The following BTBD1 variants were observed in gnomAD, a reference collection of about 807,000 sequenced individuals.
BTBD1 encodes BTB/POZ domain-containing protein 1.
BTBD1 carries 34 observed loss-of-function variants against 48.0 expected under a neutral mutation model. The observed-to-expected ratio is 0.71, with a 90% CI of 0.54 to 0.94. The LOEUF is 0.94. BTBD1 is among the 40% of genes least tolerant of loss of function. The pLI, the probability that BTBD1 is intolerant of heterozygous loss-of-function variation, is 0.00. For missense variants in BTBD1, 543 were observed against 625.6 expected, an observed-to-expected ratio of 0.87 and a Z score of 1.41; for synonymous variants, 261 against 242.1, an observed-to-expected ratio of 1.08 and a Z score of -0.72.
chr15:83,053,106 C>T (rs1197219181), intron 2 of BTBD1, among the ~76,000 whole-genome samples: 1 of 152,100 alleles, frequency 6.6e-6, no homozygotes, highest in African/African-American at 2.4e-5. Flanking sequence ...GAATCTACTG[C>T]TGCTATTTAG....
chr15:83,064,774 T>C (rs1365270062), intron 1 of BTBD1, among the ~76,000 whole-genome samples: 1 of 152,176 alleles, frequency 6.6e-6, no homozygotes, highest in Non-Finnish European at 1.5e-5. Flanking sequence ...TGAAAACTAC[T>C]TCTAGTCTAG....
At chr15:83,038,818 T>C (rs2032680704) in intron 4 of BTBD1, among the ~76,000 whole-genome samples, 2 of 152,122 alleles carry the variant, frequency 1.3e-5, no homozygotes, top group African/African-American at 2.4e-5. Flanking sequence ...GCTGGGAAAG[T>C]TGGCTAGCCA....
At chr15:83,030,528 AG>A in intron 4 of BTBD1, 200 bp from the exon 5 acceptor site, 1 of 521,416 alleles carries the variant, frequency 1.9e-6, no homozygotes, top group Non-Finnish European at 3.4e-6. Context: ...AAATGTTAAA[AG>A]CATTAATTAG....
chr15:83,030,858 A>G (rs957844920), intron 4 of BTBD1: 7 of 152,424 alleles, frequency 4.6e-5, no homozygotes, highest in African/African-American at 1.7e-4. Flanking sequence ...AATATTTGCA[A>G]ACTATGCATC....
chr15:83,031,186 T>G (rs906169197), intron 4 of BTBD1, among the ~76,000 whole-genome samples: 1 of 152,182 alleles, frequency 6.6e-6, no homozygotes, highest in Non-Finnish European at 1.5e-5. Context: ...CTCTCCAGCA[T>G]CTGTTGTTTT....
At chr15:83,064,014 G>C (rs565932882) in intron 1 of BTBD1, among the ~76,000 whole-genome samples, 1 of 152,222 alleles carries the variant, frequency 6.6e-6, no homozygotes, top group Admixed American at 6.5e-5. Context: ...TGTTTCACAA[G>C]CGCCCCAAAA....
At chr15:83,055,014 G>T (rs1232500945) in intron 2 of BTBD1, among the ~76,000 whole-genome samples, 1 of 151,944 alleles carries the variant, frequency 6.6e-6, no homozygotes, top group African/African-American at 2.4e-5. Flanking sequence ...TTGAGCTAGG[G>T]GCCATCAATA....
Position 83,050,171 on chromosome 15 carries a change from A to T in BTBD1, c.566T>A (p.Leu189Ter). The T allele has an allele frequency of 6.2e-7, 1 of 1,609,442 alleles. No individual in the cohort carries two copies. Among genetic ancestry groups the T allele is most frequent in the Non-Finnish European group, 8.5e-7 (1 of 1,176,466 alleles). Reference sequence around the variant, plus strand: ...ACTAGCAAGCTGAGGTTCATCAAATAATCGAGCCTAAACATATAAAGAGAT... The same window carrying T: ...ACTAGCAAGCTGAGGTTCATCAAATTATCGAGCCTAAACATATAAAGAGAT... The part of the protein sequence containing the change: ...NAFMLLTQAR[L>*]FDEPQLASLC... The change falls in exon 3 of 8, where the codon TTA (leucine) becomes TAA (stop). Residue 189 changes from leucine to a stop codon, truncating the protein, a stop_gained. Transcript: ENST00000261721. LOFTEE classifies it high-confidence loss of function.
At chr15:83,050,311 A>C (rs990781578) in intron 2 of BTBD1, 133 bp from the exon 3 acceptor site, 25 of 555,774 alleles carry the variant, frequency 4.5e-5, no homozygotes, top group African/African-American at 4.3e-4. Flanking sequence ...TACACGCAAT[A>C]ATGTCTACAT....
rs543103520 is a variant in BTBD1, at chr15:83,026,681, C to T, written c.1055+3455G>A. ...GGTATTACAGGCATGTGCCCCCACA[C>T]CTGGCTAATTTTGTATTTTTAGTAG... On this transcript the variant is annotated intron_variant, in intron 5 of 7. Coordinates refer to ENST00000261721, the MANE Select transcript of BTBD1 (RefSeq NM_025238.4). Among the ~76,000 whole-genome samples, 37 of 152,042 alleles carry T rather than the reference C, an allele frequency of 2.4e-4. 1 individual carries two copies. Among genetic ancestry groups the T allele is most frequent in the Admixed American group, 5.2e-4 (8 of 15,248 alleles).
rs1187803458 is a variant in BTBD1 at position 83,051,875 on chromosome 15, T to TACACACACACACACACACACACACACAC, written c.559-1698_559-1697insGTGTGTGTGTGTGTGTGTGTGTGTGTGT. On this transcript the variant is annotated intron_variant, in intron 2 of 7. Coordinates refer to ENST00000261721, the MANE Select transcript of BTBD1 (RefSeq NM_025238.4). ...CATTTATTAATTTTTTTTCCATATA[T>TACACACACACACACACACACACACACAC]ATACACACACACACACACACACACA... 1.8e-3 allele frequency among the ~76,000 whole-genome samples: 78 copies of TACACACACACACACACACACACACACAC among 43,684 alleles called. 1 individual carries two copies. The highest frequency in any genetic ancestry group is 3.7e-3 in the African/African-American group (74 of 19,858). 28.7% of individuals were successfully genotyped at this position (43,684 alleles called of 152,430 possible). A position where few individuals can be genotyped will look rare whatever the true frequency, so the allele number is the denominator to read the frequency against.
intron 2 of BTBD1, among the ~76,000 whole-genome samples, chr15:83,055,319 G>A (rs1207262362): frequency 2.6e-5 from 4 of 152,140 alleles, no homozygotes; most frequent in African/African-American, 4.8e-5. Context: ...CTGCAATGGC[G>A]CAATCTCGGC....
In BTBD1 at chr15:83,050,115, T is replaced by C. The variant is rs115033616; in HGVS notation, c.622A>G (p.Met208Val). Residue 208 changes from methionine (M) to valine (V), a missense_variant, in exon 3 of 8, where the codon ATG becomes GTG. Physicochemically the swap from Met to Val is conservative, Grantham distance 21. This residue lies in a region of BTBD1 where 300 missense variants were observed against 350.0 expected (regional missense o/e 0.86). Coordinates refer to ENST00000261721, the MANE Select transcript of BTBD1 (RefSeq NM_025238.4). ...AACCCTTCTGCACTTATTGCATCCA[T>C]TGTGCTTTTGTCTATTGTATCTAGA... is the stretch of plus-strand genomic sequence containing the variant. ...LCLDTIDKST[M>V]DAISAEGFTD... 1.6e-3 allele frequency: 2,655 copies of C among 1,613,196 alleles called. 4 individuals are homozygous for C. Among genetic ancestry groups the C allele is most frequent in the Non-Finnish European group, 1.9e-3 (2,220 of 1,179,476 alleles).
chr15:83,058,656 G>A (rs552555589), intron 1 of BTBD1, among the ~76,000 whole-genome samples: 6 of 152,142 alleles, frequency 3.9e-5, no homozygotes, highest in Admixed American at 2.0e-4. Flanking sequence ...TGAAGGACAA[G>A]GTAGCAGTCT....
At chr15:83,057,333 C>T (rs150440844) in intron 1 of BTBD1, among the ~76,000 whole-genome samples, 17 of 152,296 alleles carry the variant, frequency 1.1e-4, no homozygotes, top group Non-Finnish European at 2.2e-4. Context: ...GACTTATTAT[C>T]AATGCCTGCC....
chr15:83,060,438 T>G (rs1286833862), intron 1 of BTBD1, among the ~76,000 whole-genome samples: 1 of 147,022 alleles, frequency 6.8e-6, no homozygotes, highest in Non-Finnish European at 1.5e-5. Context: ...TAGTCCTATT[T>G]TCCCCCCAAA....
chr15:83,045,877 T>C (rs2032868516), intron 3 of BTBD1, among the ~76,000 whole-genome samples: 1 of 147,410 alleles, frequency 6.8e-6, no homozygotes, highest in Non-Finnish European at 1.5e-5. Flanking sequence ...ACTTTATTAC[T>C]AAAAAAAAAA....
At chr15:83,065,418 T>C (rs2033248263) in intron 1 of BTBD1, among the ~76,000 whole-genome samples, 1 of 152,248 alleles carries the variant, frequency 6.6e-6, no homozygotes, top group Admixed American at 6.5e-5. Context: ...CTCTAAGTTA[T>C]CTATCCTGTC....
intron 1 of BTBD1, among the ~76,000 whole-genome samples, chr15:83,059,637 T>C (rs1359727374): frequency 1.3e-5 from 2 of 152,126 alleles, no homozygotes; most frequent in Admixed American, 1.3e-4. Flanking sequence ...GGGTGGAGAG[T>C]GGTGGCACGA....
Sources: gnomAD v4.1 joint callset for allele counts (sites outside exome capture counted in the v4.1 genomes callset) on GRCh38, gnomAD v4.1.1 for gene constraint, gnomAD v4.1.1 regional missense constraint, MANE v1.5 for transcripts, NCBI Gene and HGNC (gene_info 2026-07-23, HGNC 2026-07-21) for gene names.